Variants in DYM observed in about 807,000 individuals in gnomAD.
DYM encodes dyggve-Melchior-Clausen syndrome protein.
Under a neutral mutation model 93.1 loss-of-function variants are expected in DYM, and 78 were observed. The observed-to-expected ratio is 0.84, with a 90% CI of 0.70 to 1.01. The LOEUF is 1.01. Ranked by LOEUF, DYM falls within the 50% of genes least tolerant of loss-of-function variation. DYM has a pLI of 0.00. For missense variants in DYM, 789 were observed against 845.0 expected (o/e 0.93, Z 0.82); for synonymous variants, 321 against 319.7 (o/e 1.00, Z -0.04).
chr18:49,262,066 G>C (rs1410846509), intron 11 of DYM, among the ~76,000 whole-genome samples: 4 of 152,134 alleles, frequency 2.6e-5, no homozygotes, highest in Non-Finnish European at 5.9e-5. Flanking sequence ...TGGATAGAGG[G>C]TCTTTGAAAT....
chr18:49,448,347 G>T (rs1178423643), intron 1 of DYM, among the ~76,000 whole-genome samples: 1 of 152,158 alleles, frequency 6.6e-6, no homozygotes, highest in Non-Finnish European at 1.5e-5. Context: ...AAGGGTAAAT[G>T]CTTCAGCACA....
At chr18:49,374,498 C>T (rs2067310724) in intron 5 of DYM, among the ~76,000 whole-genome samples, 1 of 152,154 alleles carries the variant, frequency 6.6e-6, no homozygotes, top group African/African-American at 2.4e-5. Flanking sequence ...ACCTGTTTTT[C>T]CAGTACCACT....
chr18:49,238,571 T>C (rs144317459), intron 13 of DYM, among the ~76,000 whole-genome samples: 5 of 152,140 alleles, frequency 3.3e-5, no homozygotes, highest in African/African-American at 1.2e-4. Flanking sequence ...TGGTGCACCT[T>C]AGTGTCCAAT....
intron 1 of DYM, among the ~76,000 whole-genome samples, chr18:49,456,404 T>C (rs1260439883): frequency 6.6e-6 from 1 of 152,230 alleles, no homozygotes; most frequent in Non-Finnish European, 1.5e-5. Flanking sequence ...GAGGGTTGCA[T>C]GACATATTTT....
intron 15 of DYM, among the ~76,000 whole-genome samples, chr18:49,162,981 A>G (rs954262533): frequency 1.1e-4 from 16 of 152,168 alleles, no homozygotes; most frequent in African/African-American, 3.6e-4. Context: ...ACAGGACCCA[A>G]TGGCTTTTCA....
chr18:49,413,685 G>C (rs1039307970), intron 2 of DYM, among the ~76,000 whole-genome samples: 1 of 152,136 alleles, frequency 6.6e-6, no homozygotes, highest in Non-Finnish European at 1.5e-5. Flanking sequence ...ACTTAAGGAA[G>C]GAAATTACAT....
intron 13 of DYM, among the ~76,000 whole-genome samples, chr18:49,232,609 T>G (rs1280807074): frequency 1.2e-5 from 1 of 81,656 alleles, no homozygotes. Flanking sequence ...GCCTCTTTTT[T>G]TTTTTTTTTT....
chr18:49,335,791 A>G (rs1260593157), intron 6 of DYM, among the ~76,000 whole-genome samples: 4 of 150,854 alleles, frequency 2.7e-5, no homozygotes, highest in Non-Finnish European at 4.4e-5. Context: ...TATGTCCAAT[A>G]CATTTGCAAA....
intron 2 of DYM, among the ~76,000 whole-genome samples, chr18:49,419,675 G>A (rs2148320144): frequency 6.6e-6 from 1 of 152,136 alleles, no homozygotes; most frequent in East Asian, 1.9e-4. Context: ...CCAAAACAAG[G>A]CTTTCAGAAT....
At chr18:49,291,239 C>T (rs968435484) in intron 8 of DYM, among the ~76,000 whole-genome samples, 3 of 152,142 alleles carry the variant, frequency 2.0e-5, no homozygotes, top group South Asian at 2.1e-4. Context: ...GCAACTGAAA[C>T]GTTTTGTTTC....
At chr18:49,398,572 T>G (rs2070404165) in intron 2 of DYM, among the ~76,000 whole-genome samples, 1 of 152,180 alleles carries the variant, frequency 6.6e-6, no homozygotes, top group Non-Finnish European at 1.5e-5. Context: ...GAGTAAAAGC[T>G]TTGCAGAAAG....
intron 15 of DYM, among the ~76,000 whole-genome samples, chr18:49,138,247 T>C (rs2084072731): frequency 6.6e-6 from 1 of 152,230 alleles, no homozygotes; most frequent in Non-Finnish European, 1.5e-5. Flanking sequence ...CTAAATGGCT[T>C]CAGCTTTATG....
intron 17 of DYM, among the ~76,000 whole-genome samples, chr18:49,080,548 G>C (rs1417632496): frequency 2.9e-5 from 4 of 137,736 alleles, no homozygotes; most frequent in Non-Finnish European, 6.4e-5. Context: ...CCGGGCAGAG[G>C]CGCCCCTCAC....
chr18:49,350,685 G>A (rs1427464079), intron 6 of DYM, among the ~76,000 whole-genome samples: 2 of 141,008 alleles, frequency 1.4e-5, no homozygotes, highest in South Asian at 2.2e-4. Flanking sequence ...CACCCTGGGT[G>A]ACAGGGTGAG....
At chr18:49,188,637 A>G (rs555690253) in intron 14 of DYM, among the ~76,000 whole-genome samples, 24 of 152,272 alleles carry the variant, frequency 1.6e-4, no homozygotes, top group African/African-American at 5.3e-4. Context: ...GGAATTGAAC[A>G]ATGAGAACAC....
At chr18:49,289,750 T>TATATATATACAC (rs1555678650) in intron 8 of DYM, among the ~76,000 whole-genome samples, 1 of 41,560 alleles carries the variant, frequency 2.4e-5, no homozygotes, top group Non-Finnish European at 4.5e-5. Context: ...TATATATATA[T>TATATATATACAC]ATATATATAT....
intron 9 of DYM, among the ~76,000 whole-genome samples, chr18:49,284,291 T>C (rs1218596247): frequency 1.3e-5 from 2 of 152,224 alleles, no homozygotes; most frequent in East Asian, 1.9e-4. Context: ...AACATGTCAT[T>C]ATTCTGATCA....
intron 13 of DYM, among the ~76,000 whole-genome samples, chr18:49,228,043 T>C (rs2093589393): frequency 6.6e-6 from 1 of 152,144 alleles, no homozygotes; most frequent in African/African-American, 2.4e-5. Context: ...ACAAAATGAA[T>C]TTGTAAATGG....
rs201853924 is a variant in DYM, at chr18:49,286,635, T to C, written c.764-19A>G. ...AGTCCTGCTGGGGAGGAAAACACCC[T>C]GTTAGGATGTGCTGCCACCAATGAG... is the stretch of plus-strand genomic sequence containing the variant. On this transcript the variant is annotated intron_variant, in intron 8 of 17. Transcript: ENST00000675505. The C allele has an allele frequency of 1.9e-6, 3 of 1,611,320 alleles. No individual in the cohort carries two copies. Among genetic ancestry groups the C allele is most frequent in the African/African-American group, 1.3e-5 (1 of 74,836 alleles).
Sources: gnomAD v4.1 joint callset for allele counts (sites outside exome capture counted in the v4.1 genomes callset) on GRCh38, gnomAD v4.1.1 for gene constraint, MANE v1.5 for transcripts, NCBI Gene and HGNC (gene_info 2026-07-23, HGNC 2026-07-21) for gene names.